Variants in SH3RF3 observed in about 807,000 individuals in gnomAD.
SH3RF3 encodes E3 ubiquitin-protein ligase SH3RF3.
Under a neutral mutation model 66.3 loss-of-function variants are expected in SH3RF3, and 29 were observed. The ratio of observed to expected loss-of-function variants is 0.44; its 90% CI spans 0.33 to 0.60. The LOEUF is 0.60. SH3RF3 is among the 20% of genes least tolerant of loss of function. The pLI is 0.04. For synonymous variants in SH3RF3, 583 were observed against 532.0 expected (o/e 1.10, Z -1.32); for missense variants, 1,194 against 1,190.9 (o/e 1.00, Z -0.04).
intron 1 of SH3RF3, among the ~76,000 whole-genome samples, chr2:109,268,272 G>T (rs986311848): frequency 7.9e-5 from 12 of 151,734 alleles, no homozygotes; most frequent in African/African-American, 2.9e-4. Context: ...GTGAGGTGCG[G>T]CCCCTTCTCT....
intron 4 of SH3RF3, among the ~76,000 whole-genome samples, chr2:109,412,748 T>C (rs889912130): frequency 6.6e-6 from 1 of 152,252 alleles, no homozygotes; most frequent in Non-Finnish European, 1.5e-5. Flanking sequence ...TGTCACTTGA[T>C]ATTAAAGTGT....
intron 2 of SH3RF3, among the ~76,000 whole-genome samples, chr2:109,364,614 G>A (rs895161097): frequency 6.6e-6 from 1 of 152,226 alleles, no homozygotes; most frequent in African/African-American, 2.4e-5. Flanking sequence ...TGGGGGCCAT[G>A]CGGCCACAAA....
intron 5 of SH3RF3, among the ~76,000 whole-genome samples, chr2:109,425,574 G>C (rs1236641494): frequency 6.6e-6 from 1 of 152,128 alleles, no homozygotes; most frequent in Non-Finnish European, 1.5e-5. Flanking sequence ...GGGCTCTTAA[G>C]AATTATGCTA....
chr2:109,185,385 C>CT (rs748785541), intron 1 of SH3RF3, among the ~76,000 whole-genome samples: 14 of 152,140 alleles, frequency 9.2e-5, no homozygotes, highest in Non-Finnish European at 7.4e-5. Flanking sequence ...GACAGCTGTG[C>CT]TTTTTATCAC....
chr2:109,184,649 C>T (rs1416750852), intron 1 of SH3RF3, among the ~76,000 whole-genome samples: 2 of 152,168 alleles, frequency 1.3e-5, no homozygotes, highest in Admixed American at 1.3e-4. Flanking sequence ...GCTGGTCCCA[C>T]CAGAGGTCCC....
chr2:109,264,170 G>C lies in SH3RF3; in HGVS notation c.574-83504G>C, dbSNP rs547122174. Among the ~76,000 whole-genome samples, 17 of 148,172 alleles carry C rather than the reference G, an allele frequency of 1.1e-4. No homozygotes were observed. The East Asian group carries it at 3.4e-3, about 30-fold the overall frequency. On this transcript the variant is annotated intron_variant, in intron 1 of 9. Transcript: ENST00000309415. Reference sequence around the variant, plus strand: ...GGGTGCCCCCCATCCACCTCCCCAGGATCCACCCCAAGTCTGTGTGTGCTC... The same window carrying C: ...GGGTGCCCCCCATCCACCTCCCCAGCATCCACCCCAAGTCTGTGTGTGCTC...
intron 9 of SH3RF3, among the ~76,000 whole-genome samples, chr2:109,500,445 A>G (rs546233454): frequency 6.6e-6 from 1 of 152,134 alleles, no homozygotes; most frequent in Non-Finnish European, 1.5e-5. Flanking sequence ...GGAAGACCCC[A>G]GGGAAGGCTC....
chr2:109,217,171 C>T (rs965220095), intron 1 of SH3RF3, among the ~76,000 whole-genome samples: 2 of 152,180 alleles, frequency 1.3e-5, no homozygotes, highest in Admixed American at 1.3e-4. Context: ...TTTATTCATT[C>T]GTCTGCTCAT....
At chr2:109,165,519 A>G (rs1169494590) in intron 1 of SH3RF3, among the ~76,000 whole-genome samples, 2 of 152,150 alleles carry the variant, frequency 1.3e-5, no homozygotes, top group Non-Finnish European at 2.9e-5. Flanking sequence ...AGTAGTTGGG[A>G]CCCAGCTACA....
chr2:109,433,613 C>T (rs1174712421), intron 6 of SH3RF3, among the ~76,000 whole-genome samples: 1 of 152,210 alleles, frequency 6.6e-6, no homozygotes, highest in African/African-American at 2.4e-5. Flanking sequence ...AACCTGTAGA[C>T]CCTGCATTGA....
chr2:109,489,807 A>G (rs1028682087), intron 8 of SH3RF3, among the ~76,000 whole-genome samples: 2 of 152,144 alleles, frequency 1.3e-5, no homozygotes, highest in African/African-American at 2.4e-5. Flanking sequence ...GCGCAATCTC[A>G]GCTCACTGCA....
At chr2:109,372,058 G>A (rs55946490) in intron 3 of SH3RF3, among the ~76,000 whole-genome samples, 2,009 of 152,300 alleles carry the variant, frequency 0.013, 21 homozygotes, top group Non-Finnish European at 0.024. Flanking sequence ...GGAAGAACCC[G>A]TCCCAAGGCA....
intron 1 of SH3RF3, among the ~76,000 whole-genome samples, chr2:109,307,714 A>G (rs1465198659): frequency 7.6e-5 from 11 of 145,160 alleles, no homozygotes; most frequent in Admixed American, 5.4e-4. Flanking sequence ...GAGAATGATG[A>G]TTTCCAATTT....
chr2:109,192,250 T>C (rs1357737534), intron 1 of SH3RF3, among the ~76,000 whole-genome samples: 1 of 152,346 alleles, frequency 6.6e-6, no homozygotes, highest in African/African-American at 2.4e-5. Context: ...AACCTGTCCC[T>C]GGCACTGCAG....
intron 1 of SH3RF3, among the ~76,000 whole-genome samples, chr2:109,183,878 T>A (rs1678125802): frequency 6.6e-6 from 1 of 152,208 alleles, no homozygotes; most frequent in South Asian, 2.1e-4. Flanking sequence ...TAGGGCATTG[T>A]CCCAAGGAAA....
At chr2:109,229,181 CA>C (rs1197903290) in intron 1 of SH3RF3, among the ~76,000 whole-genome samples, 2 of 152,156 alleles carry the variant, frequency 1.3e-5, no homozygotes, top group Non-Finnish European at 2.9e-5. Flanking sequence ...GAACCAGGGA[CA>C]AAGACCAAAT....
intron 5 of SH3RF3, among the ~76,000 whole-genome samples, chr2:109,428,880 C>A (rs187586437): frequency 5.4e-4 from 82 of 152,218 alleles, no homozygotes; most frequent in African/African-American, 1.8e-3. Flanking sequence ...AGGTTGTGAG[C>A]CCTGCTACCT....
chr2:109,353,499 G>A (rs147052871), intron 2 of SH3RF3, among the ~76,000 whole-genome samples: 16 of 152,276 alleles, frequency 1.1e-4, no homozygotes, highest in Non-Finnish European at 1.6e-4. Flanking sequence ...CCCCACCACC[G>A]CCTGGCCCCA....
Position 109,486,904 on chromosome 2 carries a change from C to T in SH3RF3, c.2149-3701C>T, listed in dbSNP as rs562790171. 5.3e-5 allele frequency among the ~76,000 whole-genome samples: 8 copies of T among 152,308 alleles called. No homozygotes were observed. The East Asian group carries it at 1.4e-3, about 26-fold the overall frequency. On this transcript the variant is annotated intron_variant, in intron 8 of 9. Coordinates refer to ENST00000309415, the MANE Select transcript of SH3RF3 (RefSeq NM_001099289.3). ...CCAGGATGTTTCAGAGCAAACGAGA[C>T]GTTTTGTTCCTAACAGATCCGGCTG... is the stretch of plus-strand genomic sequence containing the variant.
Sources: allele counts gnomAD v4.1 joint callset (sites outside exome capture counted in the v4.1 genomes callset), GRCh38; gene constraint gnomAD v4.1.1; transcripts MANE v1.5; gene names NCBI Gene and HGNC (gene_info 2026-07-23, HGNC 2026-07-21).